IGF1R: variants seen among roughly 807,000 people sequenced by gnomAD.
IGF1R encodes insulin like growth factor 1 receptor.
In IGF1R, 44 loss-of-function variants were observed where a neutral mutation model predicts 144.6. That is an observed-to-expected ratio of 0.30 (90% CI 0.24 to 0.39). The LOEUF is 0.39. IGF1R is among the 10% of genes least tolerant of loss of function. The pLI, the probability that IGF1R is intolerant of heterozygous loss-of-function variation, is 1.00. For missense variants in IGF1R, 1,355 were observed against 1,833.7 expected (o/e 0.74, Z 4.77); for synonymous variants, 795 against 722.8 (o/e 1.10, Z -1.60).
intron 2 of IGF1R, among the ~76,000 whole-genome samples, chr15:98,871,462 G>T (rs1425693976): frequency 6.6e-6 from 1 of 152,198 alleles, no homozygotes; most frequent in African/African-American, 2.4e-5. Context: ...CACAGAGGAA[G>T]GAGCTTCTGG....
At position 98,649,464 on chromosome 15, in the gene IGF1R, G is replaced by A; in HGVS notation, c.-118G>A. The A allele has an allele frequency of 1.4e-6, 1 of 720,934 alleles. No homozygotes were observed. The highest frequency in any genetic ancestry group is 1.7e-5 in the South Asian group (1 of 57,328). 44.7% of individuals were successfully genotyped at this position (720,934 alleles called of 1,614,324 possible). On this transcript the variant is annotated 5_prime_UTR_variant, in exon 1 of 21. Transcript: ENST00000650285. ...TGTTTCCTTCGCCCTTGTTTTTGGA[G>A]GGGGAGCGAAGACTGAGTTTGAGAC...
At chr15:98,920,013 C>T (rs1433774824) in intron 10 of IGF1R, among the ~76,000 whole-genome samples, 2 of 152,202 alleles carry the variant, frequency 1.3e-5, no homozygotes, top group Non-Finnish European at 2.9e-5. Flanking sequence ...GTAAAACTTA[C>T]TAGTTTCTGA....
chr15:98,843,065 C>T (rs1369399144), intron 2 of IGF1R, among the ~76,000 whole-genome samples: 3 of 152,184 alleles, frequency 2.0e-5, no homozygotes, highest in Non-Finnish European at 2.9e-5. Flanking sequence ...CTTCCTCTTG[C>T]GTCATTAAGT....
chr15:98,919,610 T>C (rs1192335685), intron 10 of IGF1R, among the ~76,000 whole-genome samples: 1 of 152,228 alleles, frequency 6.6e-6, no homozygotes, highest in East Asian at 1.9e-4. Flanking sequence ...TGTGTTCTAC[T>C]GGAGAAGTGT....
intron 1 of IGF1R, among the ~76,000 whole-genome samples, chr15:98,669,568 G>A (rs893377616): frequency 2.0e-5 from 3 of 152,212 alleles, no homozygotes; most frequent in African/African-American, 7.2e-5. Flanking sequence ...TATCTGGACA[G>A]GGCATGACAG....
intron 2 of IGF1R, among the ~76,000 whole-genome samples, chr15:98,834,639 C>G (rs1194058850): frequency 2.0e-4 from 31 of 152,208 alleles, no homozygotes; most frequent in Non-Finnish European, 7.3e-5. Context: ...GTGGGAATCT[C>G]TCTGAGAATC....
intron 2 of IGF1R, among the ~76,000 whole-genome samples, chr15:98,719,446 A>C (rs569025046): frequency 2.0e-5 from 3 of 152,134 alleles, no homozygotes; most frequent in African/African-American, 7.2e-5. Context: ...CTCACCAAAT[A>C]TTTCTTGTTT....
In IGF1R at chr15:98,887,446, A is replaced by G. The variant is rs2013695187; in HGVS notation, c.641-3879A>G. ...CAACGTTCTTATTACTACTGCATTA[A>G]TAGCTACTTGATCTTAATGTCTATT... On this transcript the variant is annotated intron_variant, in intron 2 of 20. Coordinates refer to ENST00000650285, the MANE Select transcript of IGF1R (RefSeq NM_000875.5). 2.0e-5 allele frequency among the ~76,000 whole-genome samples: 3 copies of G among 152,090 alleles called. No individual in the cohort carries two copies. The South Asian group carries it at 6.2e-4, about 32-fold the overall frequency.
intron 2 of IGF1R, among the ~76,000 whole-genome samples, chr15:98,794,819 A>G (rs2056201696): frequency 6.6e-6 from 1 of 152,214 alleles, no homozygotes; most frequent in Non-Finnish European, 1.5e-5. Context: ...CAACTGGAAA[A>G]TGTGCCTGGT....
rs1314277687 is a variant in IGF1R, at chr15:98,939,361, G to A, written c.3457+1G>A. The A allele has an allele frequency of 1.2e-6, 2 of 1,613,966 alleles. No individual in the cohort carries two copies. The highest frequency in any genetic ancestry group is 2.7e-5 in the African/African-American group (2 of 74,898). On this transcript the variant is annotated splice_donor_variant, in intron 18 of 20. Transcript: ENST00000650285. LOFTEE classifies it high-confidence loss of function. ...GAAGATTTCACAGTCAAAATCGGAG[G>A]TGTGTCCTTAGCTTTCCAGGTCTGG...
chr15:98,723,075 C>T (rs1455822829), intron 2 of IGF1R, among the ~76,000 whole-genome samples: 2 of 151,890 alleles, frequency 1.3e-5, no homozygotes, highest in Non-Finnish European at 2.9e-5. Flanking sequence ...CCGTGGCCAC[C>T]GAGAGAGAGT....
chr15:98,767,696 G>T (rs72769817), intron 2 of IGF1R, among the ~76,000 whole-genome samples: 1 of 152,126 alleles, frequency 6.6e-6, no homozygotes, highest in South Asian at 2.1e-4. Flanking sequence ...AGTTAAAATA[G>T]GATGTTAAAG....
Position 98,751,547 on chromosome 15 carries a change from C to T in IGF1R, c.640+43440C>T, listed in dbSNP as rs1053576068. On this transcript the variant is annotated intron_variant, in intron 2 of 20. Coordinates refer to ENST00000650285, the MANE Select transcript of IGF1R (RefSeq NM_000875.5). ...AACCGTAACATTCTTAAAGTTTCCC[C>T]ATTGTTGGGCATTTGCATTGGTCCC... 2.6e-5 allele frequency among the ~76,000 whole-genome samples: 4 copies of T among 151,990 alleles called. No individual in the cohort carries two copies. In the South Asian group the frequency reaches 6.3e-4, roughly 24 times the overall value.
At chr15:98,900,445 T>G (rs2014424530) in intron 5 of IGF1R, among the ~76,000 whole-genome samples, 1 of 152,162 alleles carries the variant, frequency 6.6e-6, no homozygotes, top group South Asian at 2.1e-4. Flanking sequence ...GGCGAGAAGG[T>G]CATGGGAAAG....
chr15:98,658,955 A>T (rs1206863104), intron 1 of IGF1R, among the ~76,000 whole-genome samples: 1 of 152,244 alleles, frequency 6.6e-6, no homozygotes, highest in African/African-American at 2.4e-5. Context: ...TACTTTAAAC[A>T]TTCATAGAAA....
At position 98,962,179 on chromosome 15, in the gene IGF1R, TTGGCTCCTTCCAGGG is replaced by T. The variant is rs1038488757; in HGVS notation, c.*4742_*4756del. The T allele has an allele frequency of 2.6e-5, 6 of 233,354 alleles. No homozygotes were observed. The highest frequency in any genetic ancestry group is 1.7e-4 in the Admixed American group (3 of 17,810). 14.5% of individuals were successfully genotyped at this position (233,354 alleles called of 1,614,324 possible). Reference sequence around the variant, plus strand: ...TTGTCTAGTGTTCTTAGCTGTCACGTTGGCTCCTTCCAGGGTGGCCAGACGGTGTTGGCCACTCCC... The same window carrying T: ...TTGTCTAGTGTTCTTAGCTGTCACGTTGGCCAGACGGTGTTGGCCACTCCC... On this transcript the variant is annotated 3_prime_UTR_variant, in exon 21 of 21. Coordinates refer to ENST00000650285, the MANE Select transcript of IGF1R (RefSeq NM_000875.5).
Position 98,684,798 on chromosome 15 carries a change from C to T in IGF1R, c.95-22764C>T, listed in dbSNP as rs766320821. On this transcript the variant is annotated intron_variant, in intron 1 of 20. Transcript: ENST00000650285. ...AAGTCTGGGCTTGCATTCTATCCAG[C>T]GCTAATATTTAGTGAGTGTGATTTG... Among the ~76,000 whole-genome samples, 31 of 152,178 alleles carry T rather than the reference C, an allele frequency of 2.0e-4. 1 individual carries two copies. The highest frequency in any genetic ancestry group is 8.3e-4 in the South Asian group (4 of 4,816).
chr15:98,670,324 A>G (rs1203181718), intron 1 of IGF1R, among the ~76,000 whole-genome samples: 3 of 152,152 alleles, frequency 2.0e-5, no homozygotes, highest in Non-Finnish European at 2.9e-5. Flanking sequence ...GAAGGATTAT[A>G]CTAGACTTGA....
At position 98,916,725 on chromosome 15, in the gene IGF1R, A is replaced by G. The variant is rs774848760; in HGVS notation, c.2050A>G (p.Thr684Ala). The change falls in exon 10 of 21, where the codon ACA becomes GCA. Residue 684 changes from threonine to alanine, a missense_variant. Transcript: ENST00000650285. ...CGGCACCATCGACATTGAGGAGGTC[A>G]CAGAGAACCCCAAGACTGAGGTGTG... is the stretch of plus-strand genomic sequence containing the variant. Reference protein sequence around the residue: ...ADGTIDIEEVTENPKTEVCGG... With the variant: ...ADGTIDIEEVAENPKTEVCGG... The G allele has an allele frequency of 6.2e-7, 1 of 1,614,168 alleles. No homozygotes were observed. The highest frequency in any genetic ancestry group is 1.1e-5 in the South Asian group (1 of 91,074).
Sources: gnomAD v4.1 joint callset for allele counts (sites outside exome capture counted in the v4.1 genomes callset) on GRCh38, gnomAD v4.1.1 for gene constraint, MANE v1.5 for transcripts, NCBI Gene and HGNC (gene_info 2026-07-23, HGNC 2026-07-21) for gene names.